SLC12A3: variants seen among roughly 807,000 people sequenced by gnomAD.
SLC12A3 encodes Na-Cl cotransporter.
Under a neutral mutation model 121.0 loss-of-function variants are expected in SLC12A3, and 104 were observed. The observed-to-expected ratio is 0.86, with a 90% CI of 0.73 to 1.01. The LOEUF (loss-of-function observed/expected upper bound fraction) is 1.01, where lower values mean the gene tolerates loss of function less well. SLC12A3 is among the 50% of genes least tolerant of loss of function. The pLI is 0.00. For synonymous variants in SLC12A3, 536 were observed against 533.4 expected (o/e 1.00, Z -0.07); for missense variants, 1,328 against 1,356.3 (o/e 0.98, Z 0.33).
rs2055256476 is a variant in SLC12A3, at chr16:56,882,592, G to A, written c.1669+95G>A. 5.7e-6 allele frequency: 5 copies of A among 878,928 alleles called. No individual in the cohort carries two copies. The Admixed American group carries it at 8.6e-5, about 15-fold the overall frequency. The allele number at this position is 878,928 out of a possible 1,614,324, so 54.4% of individuals were successfully genotyped here. On this transcript the variant is annotated intron_variant, in intron 13 of 25. Transcript: ENST00000563236. ...GAGTGGGAGGCATGGGTGGAGGTTG[G>A]CAGCCCAAGGTCACCTCTCAATTTA...
At chr16:56,902,840 G>T (rs908310097) in intron 24 of SLC12A3, among the ~76,000 whole-genome samples, 7 of 152,196 alleles carry the variant, frequency 4.6e-5, no homozygotes, top group African/African-American at 1.7e-4. Flanking sequence ...CATGGTGACA[G>T]CCAAGGTATA....
chr16:56,898,773 C>T (rs2055499173), intron 22 of SLC12A3, among the ~76,000 whole-genome samples: 2 of 152,190 alleles, frequency 1.3e-5, no homozygotes, highest in South Asian at 2.1e-4. Flanking sequence ...TGGGTCTGTA[C>T]CTAGTTTCTT....
chr16:56,868,321 G>T lies in SLC12A3; in HGVS notation c.454G>T (p.Gly152Cys), dbSNP rs1183167972. The T allele has an allele frequency of 1.2e-6, 2 of 1,614,026 alleles. No homozygotes were observed. The highest frequency in any genetic ancestry group is 8.5e-7 in the Non-Finnish European group (1 of 1,179,982). The change falls in exon 3 of 26, where the codon GGC becomes TGC. Residue 152 changes from glycine (G) to cysteine (C), a missense_variant. By Grantham distance (159) the Gly-to-Cys change is radical. Transcript: ENST00000563236. ...VMIRCMLNIW[G>C]VILYLRLPWI... ...GATTCGTTGCATGCTCAACATTTGGGGCGTGATCCTCTACCTGCGGCTGCC... is the reference window on the plus strand; with the variant it reads ...GATTCGTTGCATGCTCAACATTTGGTGCGTGATCCTCTACCTGCGGCTGCC...
intron 16 of SLC12A3, 90 bp from the exon 17 acceptor site, chr16:56,886,863 C>G: frequency 1.3e-6 from 2 of 1,582,896 alleles, no homozygotes; most frequent in Non-Finnish European, 8.6e-7. Flanking sequence ...TGCCAAGCCC[C>G]TGGGGCAGCC....
rs778291706 is a variant in SLC12A3 at position 56,887,882 on chromosome 16, G to C, written c.2179-43G>C. 5 of 1,445,216 alleles carry C rather than the reference G, an allele frequency of 3.5e-6. 1 individual carries two copies. Among genetic ancestry groups the C allele is most frequent in the Non-Finnish European group, 1.9e-6 (2 of 1,041,230 alleles). The allele number at this position is 1,445,216 out of a possible 1,614,324, so 89.5% of individuals were successfully genotyped here. A position where few individuals can be genotyped will look rare whatever the true frequency, so the allele number is the denominator to read the frequency against. Reference sequence around the variant, plus strand: ...TCTGGCCAGGTGGATCACCAACTCTGCCCCTCTGATGGGTTCCCCATCTCA... The same window carrying C: ...TCTGGCCAGGTGGATCACCAACTCTCCCCCTCTGATGGGTTCCCCATCTCA... On this transcript the variant is annotated intron_variant, in intron 17 of 25. Transcript: ENST00000563236.
At chr16:56,874,557 T>G (rs1596899175) in intron 8 of SLC12A3, among the ~76,000 whole-genome samples, 1 of 152,168 alleles carries the variant, frequency 6.6e-6, no homozygotes, top group Non-Finnish European at 1.5e-5. Context: ...TCCTAGCACT[T>G]TGGAAGGCCA....
intron 18 of SLC12A3, among the ~76,000 whole-genome samples, chr16:56,888,562 T>TAA (rs2055349329): frequency 7.3e-6 from 1 of 136,752 alleles, no homozygotes; most frequent in Non-Finnish European, 1.6e-5. Context: ...TTTTTTTTTT[T>TAA]TTTTTTTTTT....
chr16:56,902,612 C>T, intron 24 of SLC12A3, 104 bp downstream of exon 24: 1 of 1,388,830 alleles, frequency 7.2e-7, no homozygotes, highest in Non-Finnish European at 1.0e-6. Context: ...ATCCTCCACC[C>T]TGCCTTCCAC....
At position 56,873,381 on chromosome 16, in the gene SLC12A3, T is replaced by C. The variant is rs1305801273; in HGVS notation, c.1095+595T>C. Among the ~76,000 whole-genome samples, 502 of 116,132 alleles carry C rather than the reference T, an allele frequency of 4.3e-3. 12 individuals carry two copies. The highest frequency in any genetic ancestry group is 7.8e-3 in the Middle Eastern group (2 of 258). 76.2% of individuals were successfully genotyped at this position (116,132 alleles called of 152,430 possible). A position where few individuals can be genotyped will look rare whatever the true frequency, so the allele number is the denominator to read the frequency against. ...TTCTGTTTCTCTTTCTTTCTTTTTT[T>C]TTTTTTTTTTTTTTTTTTTTTTGAG... On this transcript the variant is annotated intron_variant, in intron 8 of 25. Coordinates refer to ENST00000563236, the MANE Select transcript of SLC12A3 (RefSeq NM_001126108.2).
rs752702741 is a variant in SLC12A3 at position 56,886,446 on chromosome 16, A to G, written c.2008A>G (p.Ser670Gly). 3.7e-6 allele frequency: 6 copies of G among 1,613,944 alleles called. No individual in the cohort carries two copies. Residue 670 changes from serine to glycine, a missense_variant, in exon 16 of 26, where the codon AGC becomes GGC. By Grantham distance (56) the Ser-to-Gly change is moderately conservative. Coordinates refer to ENST00000563236, the MANE Select transcript of SLC12A3 (RefSeq NM_001126108.2). ...TGTGGGCACCTTCACCCGGAACCTCAGCCTGATGATCTGTGGCCACGTGCT... is the reference window on the plus strand; with the variant it reads ...TGTGGGCACCTTCACCCGGAACCTCGGCCTGATGATCTGTGGCCACGTGCT... ...DFVGTFTRNL[S>G]LMICGHVLIG...
At chr16:56,905,961 T>C (rs1242056339) in intron 25 of SLC12A3, among the ~76,000 whole-genome samples, 7 of 152,314 alleles carry the variant, frequency 4.6e-5, no homozygotes, top group African/African-American at 1.4e-4. Context: ...CTCATCAAGC[T>C]TGCTTTCTCT....
At chr16:56,905,023 CT>C in intron 25 of SLC12A3, among the ~76,000 whole-genome samples, 1 of 152,238 alleles carries the variant, frequency 6.6e-6, no homozygotes, top group Middle Eastern at 3.4e-3. Context: ...CAGGGTGGCT[CT>C]GCTCTCTCTG....
chr16:56,880,944 C>T (rs550078079), intron 12 of SLC12A3, among the ~76,000 whole-genome samples: 58 of 152,340 alleles, frequency 3.8e-4, no homozygotes, highest in Non-Finnish European at 7.5e-4. Flanking sequence ...TGCAGGAAGA[C>T]CTACATGCAT....
At chr16:56,894,154 C>T (rs150363097) in intron 21 of SLC12A3, among the ~76,000 whole-genome samples, 1 of 151,974 alleles carries the variant, frequency 6.6e-6, no homozygotes, top group Non-Finnish European at 1.5e-5. Context: ...TAGGTGTGCA[C>T]CATCAGGCCC....
In SLC12A3 at chr16:56,878,264, A is replaced by C. The variant is rs1596905571; in HGVS notation, c.1180+103A>C. ...GGAGGGGATCAGAGGGTGGGGTTCG[A>C]CTCTCTAACAACAGGGAGAGCTGGG... On this transcript the variant is annotated intron_variant, in intron 9 of 25. Coordinates refer to ENST00000563236, the MANE Select transcript of SLC12A3 (RefSeq NM_001126108.2). 7 of 877,628 alleles carry C rather than the reference A, an allele frequency of 8.0e-6. No individual in the cohort carries two copies. In the East Asian group the frequency reaches 1.5e-4, roughly 19 times the overall value. 54.4% of individuals were successfully genotyped at this position (877,628 alleles called of 1,614,324 possible).
intron 6 of SLC12A3, among the ~76,000 whole-genome samples, chr16:56,871,134 T>C (rs2055091120): frequency 6.6e-6 from 1 of 152,158 alleles, no homozygotes; most frequent in Non-Finnish European, 1.5e-5. Flanking sequence ...TGTGCCCTGC[T>C]GCTTTGTATC....
intron 8 of SLC12A3, among the ~76,000 whole-genome samples, chr16:56,876,847 G>A (rs1596902467): frequency 6.6e-6 from 1 of 152,204 alleles, no homozygotes. Context: ...TCTGGAAAGT[G>A]AGCAGGTCTT....
intron 21 of SLC12A3, among the ~76,000 whole-genome samples, chr16:56,893,966 T>TTTA (rs1231783473): frequency 1.9e-4 from 20 of 106,612 alleles, no homozygotes; most frequent in African/African-American, 7.0e-4. Flanking sequence ...TTATTTTTAT[T>TTTA]TTTATTTTAT....
chr16:56,906,021 G>A (rs1251779083), intron 25 of SLC12A3, among the ~76,000 whole-genome samples: 2 of 152,080 alleles, frequency 1.3e-5, no homozygotes, highest in African/African-American at 2.4e-5. Context: ...CTAGGAAGAT[G>A]TGCTCAGATA....
Sources: allele counts gnomAD v4.1 joint callset (sites outside exome capture counted in the v4.1 genomes callset), GRCh38; gene constraint gnomAD v4.1.1; transcripts MANE v1.5; gene names NCBI Gene and HGNC (gene_info 2026-07-23, HGNC 2026-07-21).